The following TPD52 variants were observed in gnomAD, a reference collection of about 807,000 sequenced individuals.
The protein encoded by TPD52 is prostate and colon associated protein.
Under a neutral mutation model 31.3 loss-of-function variants are expected in TPD52, and 17 were observed. That is an observed-to-expected ratio of 0.54 (90% CI 0.37 to 0.82). TPD52 has a LOEUF of 0.82. TPD52 is among the 40% of genes least tolerant of loss of function. The pLI is 0.00. For synonymous variants in TPD52, 83 were observed against 89.6 expected, an observed-to-expected ratio of 0.93 and a Z score of 0.42; for missense variants, 212 against 240.1, an observed-to-expected ratio of 0.88 and a Z score of 0.77.
Position 80,126,494 on chromosome 8 carries a change from T to G in TPD52, c.19+44931A>C, listed in dbSNP as rs569371387. On this transcript the variant is annotated intron_variant, in intron 1 of 7. Coordinates refer to ENST00000518937, the MANE Select transcript of TPD52 (RefSeq NM_001025253.3). The stretch of plus-strand genomic sequence containing the variant: ...AAAGTTTATAATTTTTTTTTTTTTT[T>G]TTTTTGAGACAGGGTCTCACTCTGT... Among the ~76,000 whole-genome samples, 487 of 150,530 alleles carry G rather than the reference T, an allele frequency of 3.2e-3. 4 individuals carry two copies. The highest frequency in any genetic ancestry group is 0.011 in the African/African-American group (469 of 41,050).
downstream of TPD52, among the ~76,000 whole-genome samples, chr8:80,032,140 G>A (rs554284172): frequency 7.3e-4 from 95 of 130,364 alleles, no homozygotes; most frequent in South Asian, 4.7e-3. Flanking sequence ...GTGACAGAGC[G>A]AGACTCCAGC....
intron 1 of TPD52, among the ~76,000 whole-genome samples, chr8:80,151,291 C>G (rs1042341249): frequency 6.6e-6 from 1 of 152,194 alleles, no homozygotes; most frequent in Non-Finnish European, 1.5e-5. Flanking sequence ...ATACATTACC[C>G]TGTCTCAGGC....
chr8:80,061,382 C>A lies in TPD52; in HGVS notation c.135+3096G>T, dbSNP rs1329464714. On this transcript the variant is annotated intron_variant, in intron 2 of 7. Coordinates refer to ENST00000518937, the MANE Select transcript of TPD52 (RefSeq NM_001025253.3). Reference sequence around the variant, plus strand: ...TCCATACCTTCCCCCCCACCGCCCCCCCCAAAAAAAAAAGAATCCACAAAA... The same window carrying A: ...TCCATACCTTCCCCCCCACCGCCCCACCCAAAAAAAAAAGAATCCACAAAA... Among the ~76,000 whole-genome samples, 25 of 125,346 alleles carry A rather than the reference C, an allele frequency of 2.0e-4. 2 individuals carry two copies. In the East Asian group the frequency reaches 5.7e-3, roughly 28 times the overall value. The allele number at this position is 125,346 out of a possible 152,430, so 82.2% of individuals were successfully genotyped here.
intron 1 of TPD52, among the ~76,000 whole-genome samples, chr8:80,149,485 C>T (rs927087504): frequency 6.6e-6 from 1 of 152,140 alleles, no homozygotes; most frequent in African/African-American, 2.4e-5. Context: ...TAAATTGGCA[C>T]TGGTATAGTG....
chr8:80,155,264 C>G (rs1200959660), intron 1 of TPD52, among the ~76,000 whole-genome samples: 2 of 152,196 alleles, frequency 1.3e-5, no homozygotes, highest in Non-Finnish European at 2.9e-5. Flanking sequence ...GCTCCACTGA[C>G]TGGCCGTTCC....
intron 1 of TPD52, among the ~76,000 whole-genome samples, chr8:80,170,782 T>G (rs958010233): frequency 6.6e-6 from 1 of 152,196 alleles, no homozygotes; most frequent in South Asian, 2.1e-4. Flanking sequence ...CAGAAGCAAG[T>G]GCACCCAACG....
downstream of TPD52, among the ~76,000 whole-genome samples, chr8:80,034,185 A>G (rs1020026224): frequency 6.6e-6 from 1 of 152,164 alleles, no homozygotes; most frequent in Non-Finnish European, 1.5e-5. Context: ...AGGTTGTGAC[A>G]GCACCCAAGC....
intron 1 of TPD52, among the ~76,000 whole-genome samples, chr8:80,086,777 G>A (rs962589007): frequency 1.4e-5 from 2 of 147,744 alleles, no homozygotes; most frequent in African/African-American, 2.5e-5. Flanking sequence ...AGAAGACTGA[G>A]GCACAAGAAT....
chr8:80,157,520 C>G (rs1286101777), intron 1 of TPD52, among the ~76,000 whole-genome samples: 1 of 152,130 alleles, frequency 6.6e-6, no homozygotes, highest in East Asian at 1.9e-4. Flanking sequence ...ACTCTCAGGT[C>G]GAGGAACTGC....
At chr8:80,122,946 C>T (rs1808360126) in intron 1 of TPD52, 1 of 152,330 alleles carries the variant, frequency 6.6e-6, no homozygotes, top group South Asian at 2.1e-4. Context: ...ATTCTGACGT[C>T]TGCCTCTAGG....
intron 1 of TPD52, among the ~76,000 whole-genome samples, chr8:80,094,963 CAGG>C (rs1816620319): frequency 6.6e-6 from 1 of 152,020 alleles, no homozygotes; most frequent in South Asian, 2.1e-4. Context: ...TAATTGTCAG[CAGG>C]AGGAGAGATG....
At chr8:80,113,269 A>G (rs986431305) in intron 1 of TPD52, among the ~76,000 whole-genome samples, 3 of 60,648 alleles carry the variant, frequency 4.9e-5, no homozygotes, top group Non-Finnish European at 5.2e-5. Flanking sequence ...TGTCAAAAAG[A>G]AAAAAAAAAA....
intron 1 of TPD52, among the ~76,000 whole-genome samples, chr8:80,131,949 T>C (rs1809048090): frequency 6.8e-6 from 1 of 147,124 alleles, no homozygotes; most frequent in Non-Finnish European, 1.5e-5. Context: ...ATTAGATGTA[T>C]GAAATGGTGA....
At chr8:80,039,294 C>T (rs967928826) in intron 7 of TPD52, among the ~76,000 whole-genome samples, 3 of 152,200 alleles carry the variant, frequency 2.0e-5, no homozygotes, top group South Asian at 2.1e-4. Context: ...CTCCTTCCCC[C>T]GACAACTAGC....
At chr8:80,160,889 C>CAAAA (rs58923055) in intron 1 of TPD52, among the ~76,000 whole-genome samples, 50 of 95,024 alleles carry the variant, frequency 5.3e-4, no homozygotes, top group South Asian at 1.2e-3. Flanking sequence ...ACTAAAAATA[C>CAAAA]AAAAAAAAAA....
At chr8:80,079,206 G>C (rs924884885) in intron 1 of TPD52, among the ~76,000 whole-genome samples, 1 of 152,200 alleles carries the variant, frequency 6.6e-6, no homozygotes, top group Non-Finnish European at 1.5e-5. Flanking sequence ...AGAGGTCTGA[G>C]GGGGGCCACT....
At position 80,143,651 on chromosome 8, in the gene TPD52, A is replaced by G. The variant is rs182920941; in HGVS notation, c.19+27774T>C. Among the ~76,000 whole-genome samples, 291 of 152,336 alleles carry G rather than the reference A, an allele frequency of 1.9e-3. 2 individuals are homozygous for G. The highest frequency in any genetic ancestry group is 2.9e-3 in the Non-Finnish European group (200 of 68,026). On this transcript the variant is annotated intron_variant, in intron 1 of 7. Coordinates refer to ENST00000518937, the MANE Select transcript of TPD52 (RefSeq NM_001025253.3). ...TTTTTAAGCTTCATAGTTTAACAAA[A>G]TGTCCATCATTTTAAAAGCGACCAA...
intron 3 of TPD52, 166 bp from the exon 4 acceptor site, chr8:80,051,794 C>T: frequency 3.5e-6 from 2 of 579,564 alleles, no homozygotes; most frequent in Non-Finnish European, 6.0e-6. Context: ...GGCATCACCA[C>T]ATCTTCGTAT....
At chr8:80,130,450 T>C (rs1687720683) in intron 1 of TPD52, among the ~76,000 whole-genome samples, 1 of 152,146 alleles carries the variant, frequency 6.6e-6, no homozygotes, top group African/African-American at 2.4e-5. Context: ...TCCCATCATA[T>C]TCTACATGGT....
Sources: gnomAD v4.1 joint callset for allele counts (sites outside exome capture counted in the v4.1 genomes callset) on GRCh38, gnomAD v4.1.1 for gene constraint, MANE v1.5 for transcripts, NCBI Gene and HGNC (gene_info 2026-07-23, HGNC 2026-07-21) for gene names.